WDR70: variants seen among roughly 807,000 people sequenced by gnomAD.
WDR70 encodes the protein WD repeat domain 70.
Under a neutral mutation model 88.6 loss-of-function variants are expected in WDR70, and 53 were observed. That is an observed-to-expected ratio of 0.60 (90% CI 0.48 to 0.75). WDR70 has a LOEUF of 0.75. WDR70 is among the 30% of genes least tolerant of loss of function. The probability of loss-of-function intolerance (pLI) is 0.00; values close to 1 mark genes in which losing one functional copy is unlikely to be tolerated. For missense variants in WDR70, 610 were observed against 823.2 expected, an observed-to-expected ratio of 0.74 and a Z score of 3.17; for synonymous variants, 280 against 270.0, an observed-to-expected ratio of 1.04 and a Z score of -0.36.
chr5:37,654,033 G>T (rs1003651080), intron 10 of WDR70, among the ~76,000 whole-genome samples: 1 of 152,030 alleles, frequency 6.6e-6, no homozygotes, highest in African/African-American at 2.4e-5. Context: ...TAATTGTGAC[G>T]TTAGGGTGTC....
Position 37,443,579 on chromosome 5 carries a change from G to A in WDR70, c.686+207G>A, listed in dbSNP as rs371059152. Among the ~76,000 whole-genome samples, 52 of 152,278 alleles carry A rather than the reference G, an allele frequency of 3.4e-4. 1 individual carries two copies. The highest frequency in any genetic ancestry group is 3.4e-3 in the Middle Eastern group (1 of 294). ...CATAAACTTATATTTTAGGCTGGGC[G>A]CGGTGGCTCACACTTGTAATTCCAG... On this transcript the variant is annotated intron_variant, in intron 7 of 17. Coordinates refer to ENST00000265107, the MANE Select transcript of WDR70 (RefSeq NM_018034.4).
At chr5:37,571,189 A>C (rs774083304) in intron 9 of WDR70, among the ~76,000 whole-genome samples, 2 of 152,202 alleles carry the variant, frequency 1.3e-5, no homozygotes, top group Non-Finnish European at 2.9e-5. Flanking sequence ...TCACTTCAAA[A>C]CCGAAATTTC....
intron 7 of WDR70, among the ~76,000 whole-genome samples, chr5:37,444,183 T>C (rs1449824440): frequency 6.6e-6 from 1 of 151,794 alleles, no homozygotes; most frequent in Non-Finnish European, 1.5e-5. Flanking sequence ...CAAAACTTTG[T>C]TTTAAAACAT....
chr5:37,729,805 G>A (rs1480679471), intron 17 of WDR70, among the ~76,000 whole-genome samples: 1 of 152,002 alleles, frequency 6.6e-6, no homozygotes, highest in African/African-American at 2.4e-5. Context: ...TATGGTTCTA[G>A]GAGTCAGAGC....
chr5:37,618,254 T>C (rs1331210030), intron 10 of WDR70, among the ~76,000 whole-genome samples: 4 of 152,230 alleles, frequency 2.6e-5, no homozygotes, highest in African/African-American at 9.6e-5. Flanking sequence ...TTTCATTATA[T>C]TGAATAAGCA....
intron 10 of WDR70, among the ~76,000 whole-genome samples, chr5:37,675,079 T>C (rs972252767): frequency 6.6e-6 from 1 of 151,964 alleles, no homozygotes; most frequent in African/African-American, 2.4e-5. Context: ...TTGATGCGGT[T>C]GTTTGTTTTC....
intron 9 of WDR70, among the ~76,000 whole-genome samples, chr5:37,572,436 A>G (rs1040209253): frequency 5.3e-5 from 8 of 150,694 alleles, no homozygotes; most frequent in Non-Finnish European, 5.9e-5. Context: ...ATCCTTGATA[A>G]CTCCTTCTTT....
chr5:37,525,047 A>G lies in WDR70; in HGVS notation c.917+8457A>G, dbSNP rs1741218826. Among the ~76,000 whole-genome samples, 3 of 152,302 alleles carry G rather than the reference A, an allele frequency of 2.0e-5. No individual in the cohort carries two copies. The East Asian group carries it at 5.8e-4, about 29-fold the overall frequency. ...TAATAATGGGAGACTTTAACACCCC[A>G]CTGTCAATATTAGATAGATCAACGA... On this transcript the variant is annotated intron_variant, in intron 9 of 17. Transcript: ENST00000265107.
intron 10 of WDR70, among the ~76,000 whole-genome samples, chr5:37,616,276 C>G (rs1039711770): frequency 2.6e-5 from 4 of 152,002 alleles, no homozygotes; most frequent in African/African-American, 9.7e-5. Flanking sequence ...GCCACCATGC[C>G]CGGCTAATTT....
chr5:37,400,162 A>G (rs1749148988), intron 5 of WDR70, among the ~76,000 whole-genome samples: 1 of 151,998 alleles, frequency 6.6e-6, no homozygotes, highest in Non-Finnish European at 1.5e-5. Context: ...TTGCATTCCT[A>G]ACCTCAGGTG....
Position 37,726,268 on chromosome 5 carries a change from T to A in WDR70, c.1715-615T>A, listed in dbSNP as rs181355936. Reference sequence around the variant, plus strand: ...TTGATTTATGAAATTAATCTTTTAGTGTTATTTGGCTTTTCATATGTTTAT... The same window carrying A: ...TTGATTTATGAAATTAATCTTTTAGAGTTATTTGGCTTTTCATATGTTTAT... On this transcript the variant is annotated intron_variant, in intron 16 of 17. Coordinates refer to ENST00000265107, the MANE Select transcript of WDR70 (RefSeq NM_018034.4). 3.0e-3 allele frequency among the ~76,000 whole-genome samples: 459 copies of A among 152,280 alleles called. 6 individuals carry two copies. The highest frequency in any genetic ancestry group is 0.011 in the African/African-American group (444 of 41,564).
chr5:37,408,690 T>C (rs1385272593), intron 5 of WDR70, among the ~76,000 whole-genome samples: 1 of 152,184 alleles, frequency 6.6e-6, no homozygotes, highest in African/African-American at 2.4e-5. Flanking sequence ...TTGCTTTCAG[T>C]TATAGCAATG....
intron 8 of WDR70, among the ~76,000 whole-genome samples, chr5:37,504,649 G>T (rs540776879): frequency 4.6e-5 from 7 of 152,178 alleles, no homozygotes; most frequent in Non-Finnish European, 8.8e-5. Context: ...TTCTGAAGTT[G>T]CTCTCCTTCA....
chr5:37,401,831 G>A (rs1390116809), intron 5 of WDR70, among the ~76,000 whole-genome samples: 1 of 152,092 alleles, frequency 6.6e-6, no homozygotes, highest in Non-Finnish European at 1.5e-5. Flanking sequence ...TATTTCTGGG[G>A]TAGAGTGTGA....
intron 8 of WDR70, among the ~76,000 whole-genome samples, chr5:37,483,242 C>T (rs1038895205): frequency 7.9e-4 from 120 of 151,754 alleles, no homozygotes; most frequent in Non-Finnish European, 1.4e-3. Context: ...AGGCAGAGGA[C>T]CCTGCGGCCT....
chr5:37,470,434 T>A (rs1171782934), intron 7 of WDR70, among the ~76,000 whole-genome samples: 1 of 152,170 alleles, frequency 6.6e-6, no homozygotes, highest in Non-Finnish European at 1.5e-5. Flanking sequence ...TACATCCCTG[T>A]AATTACTACC....
intron 10 of WDR70, among the ~76,000 whole-genome samples, chr5:37,662,552 G>A (rs1176237579): frequency 6.6e-6 from 1 of 152,132 alleles, no homozygotes; most frequent in Non-Finnish European, 1.5e-5. Flanking sequence ...GATTAAGACA[G>A]TTTGTTTCGT....
intron 9 of WDR70, among the ~76,000 whole-genome samples, chr5:37,529,753 A>G (rs774377518): frequency 1.5e-4 from 23 of 152,056 alleles, no homozygotes; most frequent in Non-Finnish European, 2.9e-4. Context: ...CTATTATGTG[A>G]TGATATCATC....
chr5:37,557,371 G>A (rs939210697), intron 9 of WDR70, among the ~76,000 whole-genome samples: 2 of 152,094 alleles, frequency 1.3e-5, no homozygotes, highest in South Asian at 2.1e-4. Flanking sequence ...TGCCAAATAT[G>A]GACTATTTAT....
Sources: gnomAD v4.1 joint callset for allele counts (sites outside exome capture counted in the v4.1 genomes callset) on GRCh38, gnomAD v4.1.1 for gene constraint, MANE v1.5 for transcripts, NCBI Gene and HGNC (gene_info 2026-07-23, HGNC 2026-07-21) for gene names.